PCDHA1: variants seen among roughly 807,000 people sequenced by gnomAD.
PCDHA1 encodes the protein protocadherin alpha 1.
A neutral mutation model predicts 61.3 loss-of-function variants in PCDHA1; 42 were observed. The ratio of observed to expected loss-of-function variants is 0.69; its 90% confidence interval spans 0.54 to 0.89. The LOEUF is 0.89. Ranked by LOEUF, PCDHA1 falls within the 40% of genes least tolerant of loss-of-function variation. The pLI, the probability that PCDHA1 is intolerant of heterozygous loss-of-function variation, is 0.00. For missense variants in PCDHA1, 1,256 were observed against 1,235.3 expected (o/e 1.02, Z -0.25); for synonymous variants, 610 against 553.8 (o/e 1.10, Z -1.43).
At chr5:140,926,217 T>C (rs1201243643) in intron 1 of PCDHA1, among the ~76,000 whole-genome samples, 1 of 151,994 alleles carries the variant, frequency 6.6e-6, no homozygotes, top group African/African-American at 2.4e-5. Flanking sequence ...CCTGTTTCCT[T>C]AAGCCTAGAA....
intron 1 of PCDHA1, among the ~76,000 whole-genome samples, chr5:140,900,724 C>T (rs552317505): frequency 2.0e-5 from 3 of 152,296 alleles, no homozygotes; most frequent in Admixed American, 1.3e-4. Flanking sequence ...GAAATCCTAC[C>T]TAGCAGTGGG....
intron 1 of PCDHA1, chr5:140,841,829 T>A: frequency 1.2e-6 from 2 of 1,613,898 alleles, no homozygotes; most frequent in Non-Finnish European, 1.7e-6. Flanking sequence ...CGTGTTAACC[T>A]ACAGGCTTAG....
At chr5:140,861,758 T>C (rs1469300232) in intron 1 of PCDHA1, 1 of 93,472 alleles carries the variant, frequency 1.1e-5, no homozygotes, top group African/African-American at 4.7e-5. Context: ...TGATTATTTT[T>C]CCCTGGAAAT....
chr5:140,946,631 T>TATATATATATATAC (rs57893927), intron 1 of PCDHA1, among the ~76,000 whole-genome samples: 2,707 of 131,678 alleles, frequency 0.021, 122 homozygotes, highest in African/African-American at 0.036. Flanking sequence ...TATATATATA[T>TATATATATATATAC]ACAATGGAAT....
intron 1 of PCDHA1, among the ~76,000 whole-genome samples, chr5:140,894,895 A>G (rs557164845): frequency 6.6e-6 from 1 of 152,316 alleles, no homozygotes; most frequent in South Asian, 2.1e-4. Context: ...AGACCAGGAT[A>G]ATTTTCCTAT....
At chr5:140,956,132 C>A (rs782171826) in intron 1 of PCDHA1, among the ~76,000 whole-genome samples, 1 of 152,028 alleles carries the variant, frequency 6.6e-6, no homozygotes, top group African/African-American at 2.4e-5. Context: ...ATTTGAATAC[C>A]CTTTATTTCT....
intron 2 of PCDHA1, among the ~76,000 whole-genome samples, chr5:140,979,916 A>C (rs369427870): frequency 4.1e-4 from 63 of 152,376 alleles, no homozygotes; most frequent in African/African-American, 1.4e-3. Context: ...CGTAAAGAGA[A>C]AGCCTACAAA....
chr5:140,842,574 T>C, intron 1 of PCDHA1: 1 of 1,508,332 alleles, frequency 6.6e-7, no homozygotes, highest in East Asian at 2.3e-5. Context: ...CGCGAGAGAG[T>C]GTCGGCCTAT....
intron 1 of PCDHA1, among the ~76,000 whole-genome samples, chr5:140,792,028 A>G (rs1554118743): frequency 2.0e-5 from 3 of 151,984 alleles, no homozygotes; most frequent in Non-Finnish European, 4.4e-5. Context: ...ACAGAAATTT[A>G]TTTTCTTACA....
chr5:140,919,607 A>T (rs1357882512), intron 1 of PCDHA1, among the ~76,000 whole-genome samples: 1 of 152,158 alleles, frequency 6.6e-6, no homozygotes. Context: ...ATAAATTTTA[A>T]ACTGTATCTT....
intron 1 of PCDHA1, chr5:140,850,399 G>C: frequency 6.3e-7 from 1 of 1,597,978 alleles, no homozygotes; most frequent in Non-Finnish European, 8.6e-7. Flanking sequence ...AGCACAACGC[G>C]TGCCCTGGAC....
intron 1 of PCDHA1, among the ~76,000 whole-genome samples, chr5:140,840,447 C>T (rs1442089035): frequency 1.3e-5 from 2 of 151,740 alleles, no homozygotes; most frequent in East Asian, 1.9e-4. Flanking sequence ...GAAATAGAAA[C>T]GTTAAATAAA....
At chr5:140,839,248 A>G (rs1776116247) in intron 1 of PCDHA1, among the ~76,000 whole-genome samples, 1 of 151,994 alleles carries the variant, frequency 6.6e-6, no homozygotes, top group Non-Finnish European at 1.5e-5. Flanking sequence ...CTTTGCTTTT[A>G]TGCTTACATG....
At chr5:140,850,677 A>G (rs2150493410) in intron 1 of PCDHA1, 1 of 1,598,454 alleles carries the variant, frequency 6.3e-7, no homozygotes. Flanking sequence ...GGCGATGCCC[A>G]CCGAGGGCGA....
intron 1 of PCDHA1, among the ~76,000 whole-genome samples, chr5:140,847,234 C>T (rs1197831504): frequency 6.7e-6 from 1 of 149,750 alleles, no homozygotes; most frequent in African/African-American, 2.4e-5. Flanking sequence ...TATTTAACTA[C>T]CTTGAGCAAA....
chr5:140,924,103 TC>T (rs1377290150), intron 1 of PCDHA1, among the ~76,000 whole-genome samples: 1 of 152,234 alleles, frequency 6.6e-6, no homozygotes, highest in African/African-American at 2.4e-5. Flanking sequence ...AAATTTTCAT[TC>T]CAAAGCAGTT....
intron 1 of PCDHA1, among the ~76,000 whole-genome samples, chr5:140,923,187 T>C (rs1554201249): frequency 1.3e-5 from 2 of 152,192 alleles, no homozygotes; most frequent in African/African-American, 4.8e-5. Flanking sequence ...ATGCATCTAC[T>C]GCAGCAATTT....
intron 1 of PCDHA1, chr5:140,801,820 A>G (rs369589944): frequency 6.2e-7 from 1 of 1,614,020 alleles, no homozygotes; most frequent in African/African-American, 1.3e-5. Flanking sequence ...ACTCCTAAGC[A>G]TTATTTACTA....
intron 1 of PCDHA1, among the ~76,000 whole-genome samples, chr5:140,974,548 G>A (rs2096631054): frequency 6.6e-6 from 1 of 152,068 alleles, no homozygotes; most frequent in South Asian, 2.1e-4. Context: ...TTTTGCTCTT[G>A]TTGCCCAGGC....
Sources: allele counts gnomAD v4.1 joint callset (sites outside exome capture counted in the v4.1 genomes callset), GRCh38; gene constraint gnomAD v4.1.1; transcripts MANE v1.5; gene names NCBI Gene and HGNC (gene_info 2026-07-23, HGNC 2026-07-21).